Variants in LRMDA observed in about 807,000 individuals in gnomAD.
The protein encoded by LRMDA is leucine rich melanocyte differentiation associated.
Under a neutral mutation model 29.8 loss-of-function variants are expected in LRMDA, and 18 were observed. That is an observed-to-expected ratio of 0.60 (90% CI 0.42 to 0.90). LRMDA has a LOEUF of 0.90. Among genes scored for constraint, LRMDA ranks in the 40% least tolerant of loss-of-function variants. The pLI, the probability that LRMDA is intolerant of heterozygous loss-of-function variation, is 0.00. For missense variants in LRMDA, 273 were observed against 273.9 expected, an observed-to-expected ratio of 1.00 and a Z score of 0.02; for synonymous variants, 125 against 109.4, an observed-to-expected ratio of 1.14 and a Z score of -0.89.
chr10:76,510,346 C>T (rs1043346210), intron 6 of LRMDA, among the ~76,000 whole-genome samples: 30 of 152,214 alleles, frequency 2.0e-4, no homozygotes, highest in Admixed American at 1.8e-3. Flanking sequence ...GCTGGGATTA[C>T]AGGCGTGAGC....
At chr10:75,679,784 A>G (rs1183078561) in intron 2 of LRMDA, among the ~76,000 whole-genome samples, 2 of 152,096 alleles carry the variant, frequency 1.3e-5, no homozygotes, top group Non-Finnish European at 2.9e-5. Flanking sequence ...TTCGAGGTCC[A>G]GGGCAAATCC....
intron 6 of LRMDA, among the ~76,000 whole-genome samples, chr10:76,329,503 G>T (rs1259873868): frequency 6.6e-6 from 1 of 151,868 alleles, no homozygotes; most frequent in Non-Finnish European, 1.5e-5. Flanking sequence ...AAAGCAAAAA[G>T]AAAAAAAATG....
intron 2 of LRMDA, among the ~76,000 whole-genome samples, chr10:75,846,177 TTG>T (rs59549881): frequency 0.018 from 2,549 of 143,038 alleles, 31 homozygotes; most frequent in East Asian, 0.061. Flanking sequence ...GTGTGTGTGT[TTG>T]TGTGTGTGTG....
chr10:76,232,184 T>C (rs1852070780), intron 5 of LRMDA, among the ~76,000 whole-genome samples: 1 of 152,190 alleles, frequency 6.6e-6, no homozygotes, highest in South Asian at 2.1e-4. Context: ...TGATTTAAAA[T>C]AACCAGACAC....
intron 2 of LRMDA, among the ~76,000 whole-genome samples, chr10:75,610,452 A>G (rs893964711): frequency 6.6e-6 from 1 of 151,916 alleles, no homozygotes; most frequent in African/African-American, 2.4e-5. Flanking sequence ...GCACTCCCTG[A>G]CACCACATAG....
intron 5 of LRMDA, among the ~76,000 whole-genome samples, chr10:76,097,947 C>G (rs1484845363): frequency 6.6e-6 from 1 of 152,082 alleles, no homozygotes; most frequent in Non-Finnish European, 1.5e-5. Context: ...TCTATTATCT[C>G]ACATATTTAT....
At chr10:75,530,229 T>G (rs1845461161) in intron 2 of LRMDA, among the ~76,000 whole-genome samples, 1 of 152,028 alleles carries the variant, frequency 6.6e-6, no homozygotes, top group African/African-American at 2.4e-5. Context: ...TTATATAGTT[T>G]ATATTTCTCA....
chr10:76,307,818 T>C (rs893611055), intron 5 of LRMDA, among the ~76,000 whole-genome samples: 1 of 152,206 alleles, frequency 6.6e-6, no homozygotes, highest in African/African-American at 2.4e-5. Flanking sequence ...AAATTTCTGA[T>C]GAGAAGTTTG....
At chr10:76,135,866 A>G (rs1169417069) in intron 5 of LRMDA, among the ~76,000 whole-genome samples, 1 of 152,092 alleles carries the variant, frequency 6.6e-6, no homozygotes, top group Non-Finnish European at 1.5e-5. Context: ...CCTATTTCCA[A>G]ATAAGGTTAC....
chr10:76,455,878 A>G (rs565385054), intron 6 of LRMDA, among the ~76,000 whole-genome samples: 9 of 151,978 alleles, frequency 5.9e-5, no homozygotes, highest in Non-Finnish European at 1.3e-4. Context: ...TCCTGTTGTT[A>G]CTCTGGCTGT....
At chr10:76,397,392 T>C (rs539728515) in intron 6 of LRMDA, among the ~76,000 whole-genome samples, 1 of 152,326 alleles carries the variant, frequency 6.6e-6, no homozygotes, top group Non-Finnish European at 1.5e-5. Context: ...CCACTAGCAT[T>C]GGGAAGCTTT....
At chr10:75,815,840 A>G (rs150845805) in intron 2 of LRMDA, among the ~76,000 whole-genome samples, 259 of 152,344 alleles carry the variant, frequency 1.7e-3, no homozygotes, top group African/African-American at 6.0e-3. Flanking sequence ...ATTTTTATGT[A>G]TTAATTCACT....
chr10:75,903,130 C>T (rs143384297), intron 2 of LRMDA, among the ~76,000 whole-genome samples: 24 of 152,320 alleles, frequency 1.6e-4, no homozygotes, highest in African/African-American at 1.9e-4. Flanking sequence ...ACGTATCTTG[C>T]TCTCATATTA....
intron 6 of LRMDA, among the ~76,000 whole-genome samples, chr10:76,468,097 GGGAAGTGTAGCAGCA>G: frequency 6.6e-6 from 1 of 152,018 alleles, no homozygotes; most frequent in South Asian, 2.1e-4. Flanking sequence ...TAGGTCACAA[GGGAAGTGTAGCAGCA>G]GGATTAAATC....
chr10:76,043,063 A>T (rs760100934), intron 3 of LRMDA, among the ~76,000 whole-genome samples: 1 of 152,104 alleles, frequency 6.6e-6, no homozygotes, highest in Non-Finnish European at 1.5e-5. Context: ...CAGAGGTTGC[A>T]GTGAGCCGAG....
intron 5 of LRMDA, among the ~76,000 whole-genome samples, chr10:76,118,847 T>G (rs1357513361): frequency 7.0e-6 from 1 of 142,040 alleles, no homozygotes; most frequent in African/African-American, 2.9e-5. Context: ...ACACTTTTTT[T>G]TTTTTTTTTT....
In LRMDA at chr10:76,345,060, C is replaced by CTTTTTTT. The variant is rs60233969; in HGVS notation, c.601+20593_601+20599dup. Among the ~76,000 whole-genome samples the CTTTTTTT allele has an allele frequency of 7.1e-4, 55 of 77,614 alleles. 2 individuals carry two copies. The highest frequency in any genetic ancestry group is 2.5e-3 in the East Asian group (6 of 2,404). The allele number at this position is 77,614 out of a possible 152,430, so 50.9% of individuals were successfully genotyped here. A position where few individuals can be genotyped will look rare whatever the true frequency, so the allele number is the denominator to read the frequency against. On this transcript the variant is annotated intron_variant, in intron 6 of 6. Transcript: ENST00000611255. The stretch of plus-strand genomic sequence containing the variant: ...AACCTTTTACACAGGAACACAAAAC[C>CTTTTTTT]TTTTTTTTTTTTTTTTTTTTTTTTG...
chr10:76,196,800 A>T (rs1851338533), intron 5 of LRMDA, among the ~76,000 whole-genome samples: 1 of 152,230 alleles, frequency 6.6e-6, no homozygotes, highest in South Asian at 2.1e-4. Flanking sequence ...GAATGCATGA[A>T]TGAGAGAATG....
chr10:76,416,608 CA>C (rs1198997812), intron 6 of LRMDA, among the ~76,000 whole-genome samples: 1 of 152,250 alleles, frequency 6.6e-6, no homozygotes, highest in East Asian at 1.9e-4. Flanking sequence ...CAAATCAAAA[CA>C]AAAACCACCT....
Sources: allele counts gnomAD v4.1 joint callset (sites outside exome capture counted in the v4.1 genomes callset), GRCh38; gene constraint gnomAD v4.1.1; transcripts MANE v1.5; gene names NCBI Gene and HGNC (gene_info 2026-07-23, HGNC 2026-07-21).